TESK1: variants seen among roughly 807,000 people sequenced by gnomAD.
TESK1 encodes the protein testis associated actin remodelling kinase 1, also known as dual specificity testis-specific protein kinase 1.
Under a neutral mutation model 59.9 loss-of-function variants are expected in TESK1, and 18 were observed. That is an observed-to-expected ratio of 0.30 (90% CI 0.21 to 0.45). TESK1 has a LOEUF of 0.45. Ranked by LOEUF, TESK1 falls within the 20% of genes least tolerant of loss-of-function variation. TESK1 has a pLI of 1.00. For synonymous variants in TESK1, 341 were observed against 357.4 expected (o/e 0.95, Z 0.52); for missense variants, 748 against 840.9 (o/e 0.89, Z 1.37).
Position 35,605,288 on chromosome 9 carries a change from G to GAGC in TESK1, c.-328_-326dup, listed in dbSNP as rs1822814399. ...GAGCCTGATCCCCGGCGGCTAAGCGGAGCAGCCGCCGCCCGCCCGCCCGCC... is the reference window on the plus strand; with the variant it reads ...GAGCCTGATCCCCGGCGGCTAAGCGGAGCAGCAGCCGCCGCCCGCCCGCCCGCC... On this transcript the variant is annotated 5_prime_UTR_variant, in exon 1 of 10. Coordinates refer to ENST00000336395, the MANE Select transcript of TESK1 (RefSeq NM_006285.3). The GAGC allele has an allele frequency of 6.7e-6, 1 of 148,754 alleles. No individual in the cohort carries two copies. Among genetic ancestry groups the GAGC allele is most frequent in the South Asian group, 1.8e-4 (1 of 5,550 alleles). 9.2% of individuals were successfully genotyped at this position (148,754 alleles called of 1,614,324 possible). A position where few individuals can be genotyped will look rare whatever the true frequency, so the allele number is the denominator to read the frequency against.
In TESK1 at chr9:35,605,928, A is replaced by C. The variant is rs993423431; in HGVS notation, c.220-56A>C. The C allele has an allele frequency of 2.5e-6, 4 of 1,609,038 alleles. No individual in the cohort carries two copies. The Admixed American group carries it at 6.7e-5, about 27-fold the overall frequency. On this transcript the variant is annotated intron_variant, in intron 1 of 9. Coordinates refer to ENST00000336395, the MANE Select transcript of TESK1 (RefSeq NM_006285.3). ...GCCGGGAGTGCGGGGAAGAGGGTCC[A>C]GACTCCGGCGACCCGCCCGACCTGC...
chr9:35,605,632 C>A lies in TESK1; in HGVS notation c.13C>A (p.Arg5=). 2 of 1,184,714 alleles carry A rather than the reference C, an allele frequency of 1.7e-6. No homozygotes were observed. Among genetic ancestry groups the A allele is most frequent in the Non-Finnish European group, 2.1e-6 (2 of 951,908 alleles). 73.4% of individuals were successfully genotyped at this position (1,184,714 alleles called of 1,614,324 possible). The part of the protein sequence containing the change: MAGE[R]PPLRGPGPGP... ...TGGGGGCCCGGCCATGGCCGGGGAACGGCCCCCACTGCGGGGCCCTGGGCC... is the reference window on the plus strand; with the variant it reads ...TGGGGGCCCGGCCATGGCCGGGGAAAGGCCCCCACTGCGGGGCCCTGGGCC... The change falls in exon 1 of 10, where the codon CGG becomes AGG. Residue 5 remains arginine, a synonymous_variant. Transcript: ENST00000336395.
Position 35,608,396 on chromosome 9 carries a change from T to G in TESK1, c.887T>G (p.Leu296Arg). 1.2e-6 allele frequency: 2 copies of G among 1,614,070 alleles called. No individual in the cohort carries two copies. Among genetic ancestry groups the G allele is most frequent in the Non-Finnish European group, 1.7e-6 (2 of 1,179,964 alleles). ...FLLLAIHCCNLEPSTRAPFTE... is the reference protein window; with the variant it reads ...FLLLAIHCCNREPSTRAPFTE... ...GCCGTTCCTGTCTCTACCCATCAGCTGGAACCCAGCACCCGTGCCCCCTTC... is the reference window on the plus strand; with the variant it reads ...GCCGTTCCTGTCTCTACCCATCAGCGGGAACCCAGCACCCGTGCCCCCTTC... The change falls in exon 9 of 10, where the codon CTG becomes CGG. Residue 296 changes from leucine to arginine, a missense_variant and splice_region_variant. This residue lies in a region of TESK1 where 447 missense variants were observed against 466.1 expected (regional missense o/e 0.96). Coordinates refer to ENST00000336395, the MANE Select transcript of TESK1 (RefSeq NM_006285.3).
Position 35,609,513 on chromosome 9 carries a change from A to T in TESK1, c.1652A>T (p.Glu551Val). The change falls in exon 10 of 10, where the codon GAA (glutamate) becomes GTA (valine). Residue 551 changes from glutamate to valine, a missense_variant. By Grantham distance (121) the Glu-to-Val change is moderately radical. Transcript: ENST00000336395. This position sits in a 1 kb window ranked among gnomAD's most constrained non-coding sequence, Gnocchi z 6.7. The stretch of plus-strand genomic sequence containing the variant: ...CGGGCGGCAGCCCTGGAGCGGACAG[A>T]ACCCTCGCCACCCCCTTCAGCTCCC... ...LPRAAALERT[E>V]PSPPPSAPRE... The T allele has an allele frequency of 1.2e-6, 2 of 1,609,430 alleles. No homozygotes were observed. The highest frequency in any genetic ancestry group is 1.7e-6 in the Non-Finnish European group (2 of 1,177,522).
At position 35,609,121 on chromosome 9, in the gene TESK1, C is replaced by T. The variant is rs1822916354; in HGVS notation, c.1260C>T (p.Thr420=). Residue 420 remains threonine, a synonymous_variant, in exon 10 of 10, where the codon ACC becomes ACT. Coordinates refer to ENST00000336395, the MANE Select transcript of TESK1 (RefSeq NM_006285.3). This position sits in a 1 kb window ranked among gnomAD's most constrained non-coding sequence, Gnocchi z 6.7. ...PFPSTQLPLV[T]TPETLVQPGT... ...CATCCACTCAGCTGCCCTTGGTGAC[C>T]ACTCCGGAGACCCTGGTCCAGCCTG... 2 of 1,614,134 alleles carry T rather than the reference C, an allele frequency of 1.2e-6. No individual in the cohort carries two copies. Among genetic ancestry groups the T allele is most frequent in the Non-Finnish European group, 8.5e-7 (1 of 1,180,026 alleles).
Position 35,607,585 on chromosome 9 carries a change from G to C in TESK1, c.624G>C (p.Glu208Asp), listed in dbSNP as rs1298297486. Residue 208 changes from glutamate (E) to aspartate (D), a missense_variant, in exon 6 of 10, where the codon GAG becomes GAC. Physicochemically the swap from Glu to Asp is conservative, Grantham distance 45 (BLOSUM62 2). This residue lies in a region of TESK1 where 168 missense variants were observed against 257.4 expected (regional missense o/e 0.65). Coordinates refer to ENST00000336395, the MANE Select transcript of TESK1 (RefSeq NM_006285.3). The surrounding 1 kb of genome is among the most constrained non-coding windows in gnomAD (Gnocchi z 4.5). ...GLAEKIPVYR[E>D]GARKEPLAVV... is the part of the protein sequence containing the mutation. Reference sequence around the variant, plus strand: ...CACTCTGCCCCTGCCCCTGCAGGGAGGGGGCAAGGAAGGAGCCATTGGCCG... The same window carrying C: ...CACTCTGCCCCTGCCCCTGCAGGGACGGGGCAAGGAAGGAGCCATTGGCCG... 3 of 1,611,286 alleles carry C rather than the reference G, an allele frequency of 1.9e-6. No individual in the cohort carries two copies. The Admixed American group carries it at 5.0e-5, about 27-fold the overall frequency.
Position 35,605,732 on chromosome 9 carries a change from C to T in TESK1, c.113C>T (p.Pro38Leu), listed in dbSNP as rs1385455998. 4 of 1,588,512 alleles carry T rather than the reference C, an allele frequency of 2.5e-6. No homozygotes were observed. In the Admixed American group the frequency reaches 5.2e-5, roughly 21 times the overall value. Residue 38 changes from proline (P) to leucine (L), a missense_variant, in exon 1 of 10, where the codon CCC becomes CTC. Coordinates refer to ENST00000336395, the MANE Select transcript of TESK1 (RefSeq NM_006285.3). ...GGCGGAGGCCCGGGCCGGGGCCGCCCCTCCTCCTACCGGGCTCTCCGCAGC... is the reference window on the plus strand; with the variant it reads ...GGCGGAGGCCCGGGCCGGGGCCGCCTCTCCTCCTACCGGGCTCTCCGCAGC... ...GTGGGPGRGRPSSYRALRSAV... is the reference protein window; with the variant it reads ...GTGGGPGRGRLSSYRALRSAV...
chr9:35,609,294 A>C lies in TESK1; in HGVS notation c.1433A>C (p.Glu478Ala). Reference protein sequence around the residue: ...MECEGSSPEPEPPGPAPQLPL... With the variant: ...MECEGSSPEPAPPGPAPQLPL... ...TGCGAGGGCAGCAGCCCTGAGCCGG[A>C]ACCTCCAGGGCCAGCGCCCCAGCTG... Residue 478 changes from glutamate (E) to alanine (A), a missense_variant, in exon 10 of 10, where the codon GAA becomes GCA. Glu to Ala is a moderately radical substitution (Grantham distance 107). This residue lies in a region of TESK1 where 447 missense variants were observed against 466.1 expected (regional missense o/e 0.96). Transcript: ENST00000336395. The surrounding 1 kb of genome is among the most constrained non-coding windows in gnomAD (Gnocchi z 6.7). 1 of 1,613,956 alleles carries C rather than the reference A, an allele frequency of 6.2e-7. No homozygotes were observed. Among genetic ancestry groups the C allele is most frequent in the Non-Finnish European group, 8.5e-7 (1 of 1,179,964 alleles).
chr9:35,608,374 G>C, intron 8 of TESK1, 21 bp from the exon 9 acceptor site: 1 of 1,612,954 alleles, frequency 6.2e-7, no homozygotes, highest in Non-Finnish European at 8.5e-7. Flanking sequence ...GAGTGAAGCC[G>C]TTCCTGTCTC....
chr9:35,606,142 G>T, intron 2 of TESK1, 37 bp downstream of exon 2: 1 of 1,614,090 alleles, frequency 6.2e-7, no homozygotes, highest in Non-Finnish European at 8.5e-7. Flanking sequence ...TTGCTGGGCG[G>T]GAGAGAAAGG....
Position 35,607,169 on chromosome 9 carries a change from A to G in TESK1, c.538-158A>G. 1.6e-6 allele frequency: 2 copies of G among 1,226,686 alleles called. No individual in the cohort carries two copies. The highest frequency in any genetic ancestry group is 1.1e-6 in the Non-Finnish European group (1 of 870,032). 76.0% of individuals were successfully genotyped at this position (1,226,686 alleles called of 1,614,324 possible). On this transcript the variant is annotated intron_variant, in intron 4 of 9. Transcript: ENST00000336395. This position sits in a 1 kb window ranked among gnomAD's most constrained non-coding sequence, Gnocchi z 4.5. ...GGACTGAGTAGCACCCTGTGTTTGG[A>G]GTGTTGGATGATGTTGCAATATTGA...
chr9:35,608,534 G>T (rs1267321743), intron 9 of TESK1, 25 bp downstream of exon 9: 2 of 1,603,234 alleles, frequency 1.2e-6, no homozygotes, highest in Non-Finnish European at 8.5e-7. Context: ...CCTTGATCCA[G>T]CTTGAGTCCT....
rs1409200001 is a variant in TESK1 at position 35,605,550 on chromosome 9, T to C, written c.-70T>C. On this transcript the variant is annotated 5_prime_UTR_variant, in exon 1 of 10. The change abolishes an upstream ATG in the 5' untranslated region. Transcript: ENST00000336395. ...CGGGATCGGGCTGGGCCCGCGCCCA[T>C]GGCAAGCGCGGCCTGCCCGGGCCCT... The C allele has an allele frequency of 2.4e-6, 1 of 415,030 alleles. No homozygotes were observed. Among genetic ancestry groups the C allele is most frequent in the East Asian group, 5.2e-5 (1 of 19,104 alleles). 25.7% of individuals were successfully genotyped at this position (415,030 alleles called of 1,614,324 possible).
At chr9:35,606,804 GAC>G (rs1252668341) in intron 3 of TESK1, 31 bp from the exon 4 acceptor site, 1 of 1,566,522 alleles carries the variant, frequency 6.4e-7, no homozygotes, top group Admixed American at 1.9e-5. Context: ...ACTGAAGTCT[GAC>G]ATCTATTCCC....
chr9:35,607,581 G>A lies in TESK1; in HGVS notation c.621-1G>A. 6.2e-7 allele frequency: 1 copy of A among 1,612,484 alleles called. No individual in the cohort carries two copies. Among genetic ancestry groups the A allele is most frequent in the Non-Finnish European group, 8.5e-7 (1 of 1,178,642 alleles). On this transcript the variant is annotated splice_acceptor_variant, in intron 5 of 9. Transcript: ENST00000336395. LOFTEE classifies it high-confidence loss of function. This position sits in a 1 kb window ranked among gnomAD's most constrained non-coding sequence, Gnocchi z 4.5. Reference sequence around the variant, plus strand: ...TGACCACTCTGCCCCTGCCCCTGCAGGGAGGGGGCAAGGAAGGAGCCATTG... The same window carrying A: ...TGACCACTCTGCCCCTGCCCCTGCAAGGAGGGGGCAAGGAAGGAGCCATTG...
Position 35,608,145 on chromosome 9 carries a change from CT to C in TESK1, c.796-13del, listed in dbSNP as rs776175657. ...AGAAAAGCTGACTTGGAGGTCCCTC[CT>C]TCTGTCCCCACAGGACTTTGGCCTG... On this transcript the variant is annotated splice_polypyrimidine_tract_variant and intron_variant, in intron 7 of 9. Coordinates refer to ENST00000336395, the MANE Select transcript of TESK1 (RefSeq NM_006285.3). The C allele has an allele frequency of 1.2e-6, 2 of 1,613,902 alleles. No homozygotes were observed. Among genetic ancestry groups the C allele is most frequent in the South Asian group, 2.2e-5 (2 of 91,056 alleles).
Position 35,607,468 on chromosome 9 carries a change from C to T in TESK1, c.620+59C>T. The T allele has an allele frequency of 6.2e-7, 1 of 1,600,568 alleles. No individual in the cohort carries two copies. On this transcript the variant is annotated intron_variant, in intron 5 of 9. Coordinates refer to ENST00000336395, the MANE Select transcript of TESK1 (RefSeq NM_006285.3). This position sits in a 1 kb window ranked among gnomAD's most constrained non-coding sequence, Gnocchi z 4.5. Reference sequence around the variant, plus strand: ...CCAGAGTGCCCCTATCTGATGTCCCCAGAGCCCCAGGGATGTTTCCCTTGG... The same window carrying T: ...CCAGAGTGCCCCTATCTGATGTCCCTAGAGCCCCAGGGATGTTTCCCTTGG...
In TESK1 at chr9:35,605,557, C is replaced by A; in HGVS notation, c.-63C>A. The A allele has an allele frequency of 4.3e-6, 2 of 470,456 alleles. No homozygotes were observed. The highest frequency in any genetic ancestry group is 6.3e-6 in the Non-Finnish European group (2 of 316,504). 29.1% of individuals were successfully genotyped at this position (470,456 alleles called of 1,614,324 possible). ...GGGCTGGGCCCGCGCCCATGGCAAG[C>A]GCGGCCTGCCCGGGCCCTGGGGACC... On this transcript the variant is annotated 5_prime_UTR_variant, in exon 1 of 10. Coordinates refer to ENST00000336395, the MANE Select transcript of TESK1 (RefSeq NM_006285.3).
At position 35,605,629 on chromosome 9, in the gene TESK1, G is replaced by C; in HGVS notation, c.10G>C (p.Glu4Gln). Residue 4 changes from glutamate (E) to glutamine (Q), a missense_variant, in exon 1 of 10, where the codon GAA (glutamate) becomes CAA (glutamine). Around this residue, in one of 3 missense-constraint regions of TESK1, gnomAD observed 133 missense variants for 117.4 expected, o/e 1.13. Transcript: ENST00000336395. ...GGCTGGGGGCCCGGCCATGGCCGGGGAACGGCCCCCACTGCGGGGCCCTGG... is the reference window on the plus strand; with the variant it reads ...GGCTGGGGGCCCGGCCATGGCCGGGCAACGGCCCCCACTGCGGGGCCCTGG... MAG[E>Q]RPPLRGPGPG... The C allele has an allele frequency of 8.4e-7, 1 of 1,184,618 alleles. No homozygotes were observed. The highest frequency in any genetic ancestry group is 3.5e-5 in the East Asian group (1 of 28,806). 73.4% of individuals were successfully genotyped at this position (1,184,618 alleles called of 1,614,324 possible).
Sources: allele counts gnomAD v4.1 joint callset, GRCh38; gene constraint gnomAD v4.1.1; regional missense constraint gnomAD v4.1.1; non-coding constraint Gnocchi (gnomAD v3.1); transcripts MANE v1.5; gene names NCBI Gene and HGNC (gene_info 2026-07-23, HGNC 2026-07-21).